PIP5K1B: variants seen among roughly 807,000 people sequenced by gnomAD.
PIP5K1B encodes the protein phosphatidylinositol-4-phosphate 5-kinase type 1 beta.
A neutral mutation model predicts 67.0 loss-of-function variants in PIP5K1B; 42 were observed. The ratio of observed to expected loss-of-function variants is 0.63; its 90% confidence interval spans 0.49 to 0.81. PIP5K1B has a LOEUF of 0.81. PIP5K1B is among the 30% of genes least tolerant of loss of function. The pLI is 0.00. For synonymous variants in PIP5K1B, 214 were observed against 231.4 expected (o/e 0.92, Z 0.68); for missense variants, 459 against 646.3 (o/e 0.71, Z 3.14).
chr9:68,997,461 C>T (rs925114275), intron 15 of PIP5K1B, among the ~76,000 whole-genome samples: 5 of 152,050 alleles, frequency 3.3e-5, no homozygotes, highest in African/African-American at 9.7e-5. Context: ...AGATGCTGCT[C>T]GGGTTTTTGG....
intron 3 of PIP5K1B, among the ~76,000 whole-genome samples, chr9:68,821,634 A>G (rs930542627): frequency 5.3e-5 from 8 of 152,224 alleles, no homozygotes; most frequent in African/African-American, 1.9e-4. Context: ...GTGAATGAGT[A>G]TACTCTTCTG....
In PIP5K1B at chr9:68,917,680, G is replaced by A; in HGVS notation, c.904G>A (p.Val302Ile). 6 of 1,614,190 alleles carry A rather than the reference G, an allele frequency of 3.7e-6. No individual in the cohort carries two copies. Among genetic ancestry groups the A allele is most frequent in the Non-Finnish European group, 5.1e-6 (6 of 1,180,004 alleles). Residue 302 changes from valine to isoleucine, a missense_variant, in exon 9 of 16, where the codon GTT becomes ATT. Transcript: ENST00000265382. ...TGCTAAGCGGACTGGGATGCAGAAG[G>A]TTCTCTACTCAACAGCCATGGAATC... ...PDAKRTGMQKVLYSTAMESIQ... is the reference protein window; with the variant it reads ...PDAKRTGMQKILYSTAMESIQ...
chr9:68,823,325 C>A (rs1833823671), intron 4 of PIP5K1B, among the ~76,000 whole-genome samples: 1 of 152,014 alleles, frequency 6.6e-6, no homozygotes, highest in African/African-American at 2.4e-5. Flanking sequence ...GTTTGAAGAC[C>A]CTTCTTATTC....
chr9:68,989,715 C>A (rs1045912167), intron 14 of PIP5K1B, among the ~76,000 whole-genome samples: 5 of 152,162 alleles, frequency 3.3e-5, no homozygotes, highest in Admixed American at 6.5e-5. Flanking sequence ...CACAGTGGCT[C>A]ACATCTGTAT....
At chr9:69,008,218 T>A (rs1452248538) in intron 15 of PIP5K1B, among the ~76,000 whole-genome samples, 1 of 152,192 alleles carries the variant, frequency 6.6e-6, no homozygotes, top group African/African-American at 2.4e-5. Flanking sequence ...AGTGCTGTGA[T>A]GTAGTCAGGA....
chr9:68,799,869 G>A (rs578036658), intron 2 of PIP5K1B, among the ~76,000 whole-genome samples: 1 of 152,242 alleles, frequency 6.6e-6, no homozygotes, highest in South Asian at 2.1e-4. Context: ...GGCAACAAGA[G>A]CAAAAGTGGA....
intron 6 of PIP5K1B, among the ~76,000 whole-genome samples, chr9:68,887,553 A>C (rs1392808326): frequency 6.6e-6 from 1 of 152,248 alleles, no homozygotes; most frequent in Non-Finnish European, 1.5e-5. Flanking sequence ...AAGTGAGAAC[A>C]TGCAATGTTT....
chr9:68,889,872 A>G (rs751234180), intron 7 of PIP5K1B, among the ~76,000 whole-genome samples: 1 of 152,204 alleles, frequency 6.6e-6, no homozygotes, highest in African/African-American at 2.4e-5. Flanking sequence ...GTACGCAGTA[A>G]TAGTATAAAT....
At chr9:68,791,770 A>G (rs1315034393) in intron 2 of PIP5K1B, among the ~76,000 whole-genome samples, 1 of 152,216 alleles carries the variant, frequency 6.6e-6, no homozygotes, top group African/African-American at 2.4e-5. Context: ...CTAAAATACA[A>G]ACTTGAGAAT....
intron 14 of PIP5K1B, among the ~76,000 whole-genome samples, chr9:68,977,916 G>A (rs1456451706): frequency 6.6e-6 from 1 of 151,744 alleles, no homozygotes; most frequent in Admixed American, 6.6e-5. Flanking sequence ...CAAAGTGCTG[G>A]GATTACAGGC....
At chr9:68,740,205 A>G (rs980012668) in intron 1 of PIP5K1B, among the ~76,000 whole-genome samples, 33 of 152,220 alleles carry the variant, frequency 2.2e-4, no homozygotes, top group African/African-American at 8.0e-4. Context: ...GAAGAAATGG[A>G]AGATCTTGGG....
chr9:68,780,992 T>A (rs150345384), intron 2 of PIP5K1B: 1 of 1,614,070 alleles, frequency 6.2e-7, no homozygotes. Context: ...AAGCGGCTTC[T>A]CCATTTATTC....
chr9:68,991,682 C>T (rs1246655559), intron 15 of PIP5K1B, among the ~76,000 whole-genome samples: 1 of 152,190 alleles, frequency 6.6e-6, no homozygotes, highest in Non-Finnish European at 1.5e-5. Flanking sequence ...GCTGGAGAAT[C>T]TTGGCTGATT....
At chr9:68,791,064 G>T (rs1233853892) in intron 2 of PIP5K1B, among the ~76,000 whole-genome samples, 2 of 152,262 alleles carry the variant, frequency 1.3e-5, no homozygotes, top group South Asian at 2.1e-4. Flanking sequence ...TATAATTCTG[G>T]TTTTTTTCCA....
chr9:68,818,412 TG>T (rs1352001595), intron 2 of PIP5K1B, 48 bp from the exon 3 acceptor site: 1 of 152,356 alleles, frequency 6.6e-6, no homozygotes, highest in Non-Finnish European at 1.5e-5. Flanking sequence ...TTTTGGGAGA[TG>T]TAGTAGGGAT....
chr9:68,846,533 A>C (rs992149252), intron 4 of PIP5K1B, among the ~76,000 whole-genome samples: 4 of 152,200 alleles, frequency 2.6e-5, no homozygotes, highest in Non-Finnish European at 5.9e-5. Context: ...TAGGGCTGGC[A>C]TATGGAAAAA....
intron 4 of PIP5K1B, among the ~76,000 whole-genome samples, chr9:68,854,515 A>G (rs1162038887): frequency 2.0e-5 from 3 of 152,192 alleles, no homozygotes; most frequent in African/African-American, 7.2e-5. Flanking sequence ...CTAACCCCAG[A>G]ATACATTTAG....
chr9:68,859,215 A>C (rs568202752), intron 4 of PIP5K1B, among the ~76,000 whole-genome samples: 1 of 152,342 alleles, frequency 6.6e-6, no homozygotes, highest in East Asian at 1.9e-4. Context: ...TCGTTAAAAG[A>C]CAGTGCTTTG....
At chr9:68,922,432 A>G (rs561046670) in intron 11 of PIP5K1B, among the ~76,000 whole-genome samples, 62 of 149,394 alleles carry the variant, frequency 4.2e-4, no homozygotes, top group African/African-American at 1.4e-3. Context: ...ACTGCACTCC[A>G]GCCTGGCGAC....
Sources: gnomAD v4.1 joint callset for allele counts (sites outside exome capture counted in the v4.1 genomes callset) on GRCh38, gnomAD v4.1.1 for gene constraint, MANE v1.5 for transcripts, NCBI Gene and HGNC (gene_info 2026-07-23, HGNC 2026-07-21) for gene names.